Variants in DHX29 observed in about 807,000 individuals in gnomAD.
The protein encoded by DHX29 is ATP-dependent RNA helicase DHX29.
In DHX29, 79 loss-of-function variants were observed where a neutral mutation model predicts 167.9. The observed-to-expected ratio is 0.47, with a 90% CI of 0.39 to 0.57. The LOEUF (loss-of-function observed/expected upper bound fraction) is 0.57. DHX29 is among the 20% of genes least tolerant of loss of function. DHX29 has a pLI of 0.00. For synonymous variants in DHX29, 530 were observed against 546.0 expected, an observed-to-expected ratio of 0.97 and a Z score of 0.41; for missense variants, 1,347 against 1,593.4, an observed-to-expected ratio of 0.85 and a Z score of 2.63.
chr5:55,256,931 T>C lies in DHX29; in HGVS notation c.4058-391A>G, dbSNP rs188096843. Among the ~76,000 whole-genome samples, 61 of 152,342 alleles carry C rather than the reference T, an allele frequency of 4.0e-4. No homozygotes were observed. The East Asian group carries it at 8.3e-3, about 21-fold the overall frequency. On this transcript the variant is annotated intron_variant, in intron 26 of 26. Transcript: ENST00000251636. ...AATATACTGAAGGCTCTACTGACTC[T>C]TCAGTGTTCTTCAGAGTATGGCAGA...
chr5:55,304,203 T>G (rs1302869565), intron 1 of DHX29, among the ~76,000 whole-genome samples: 1 of 151,802 alleles, frequency 6.6e-6, no homozygotes, highest in Non-Finnish European at 1.5e-5. Flanking sequence ...TCTAGAACAC[T>G]CCAGGCTTGC....
intron 20 of DHX29, among the ~76,000 whole-genome samples, chr5:55,269,877 AT>A (rs1746767342): frequency 6.6e-6 from 1 of 152,038 alleles, no homozygotes; most frequent in Non-Finnish European, 1.5e-5. Flanking sequence ...TCCAGTCCAC[AT>A]TTTTAGTTTC....
chr5:55,278,327 G>A (rs1747227374), intron 12 of DHX29, among the ~76,000 whole-genome samples: 2 of 152,192 alleles, frequency 1.3e-5, no homozygotes, highest in African/African-American at 2.4e-5. Flanking sequence ...GGCAGTAGGG[G>A]TTAAGTGTTC....
intron 2 of DHX29, among the ~76,000 whole-genome samples, chr5:55,297,966 T>C (rs1748404940): frequency 6.6e-6 from 1 of 152,216 alleles, no homozygotes; most frequent in Admixed American, 6.5e-5. Flanking sequence ...ATCTTCCCTT[T>C]GTTACTTTTT....
At chr5:55,267,849 C>T (rs760181243) in intron 21 of DHX29, 27 bp from the exon 22 acceptor site, 7 of 1,560,328 alleles carry the variant, frequency 4.5e-6, no homozygotes, top group East Asian at 4.6e-5. Context: ...AATGACAAAA[C>T]AATTTATCAT....
At position 55,283,269 on chromosome 5, in the gene DHX29, G is replaced by A. The variant is rs768380923; in HGVS notation, c.1899C>T (p.Ile633=). The A allele has an allele frequency of 2.5e-6, 4 of 1,613,398 alleles. No individual in the cohort carries two copies. Among genetic ancestry groups the A allele is most frequent in the Non-Finnish European group, 3.4e-6 (4 of 1,179,466 alleles). ...CTCTGTTGGCTAAACTAACTGCTGA[G>A]ATTCTTCGGGGTTGGGTACAGACAA... The part of the protein sequence containing the change: ...CNIVCTQPRR[I]SAVSLANRVC... The change falls in exon 11 of 27, where the codon ATC becomes ATT. Residue 633 remains isoleucine, a synonymous_variant. Coordinates refer to ENST00000251636, the MANE Select transcript of DHX29 (RefSeq NM_019030.4).
intron 13 of DHX29, 110 bp from the exon 14 acceptor site, chr5:55,276,516 G>T: frequency 1.2e-6 from 1 of 866,300 alleles, no homozygotes; most frequent in Non-Finnish European, 1.7e-6. Flanking sequence ...TGTTAATTTA[G>T]AATATTATGA....
chr5:55,281,013 T>A (rs570163539), intron 12 of DHX29, among the ~76,000 whole-genome samples: 58 of 151,782 alleles, frequency 3.8e-4, no homozygotes, highest in Middle Eastern at 3.4e-3. Context: ...TGATGATTTT[T>A]ATACATGTAT....
chr5:55,285,305 T>C lies in DHX29; in HGVS notation c.1344A>G (p.Leu448=), dbSNP rs770927730. ...HLGATLALYR[L]VKGQSVHQLL... is the part of the protein sequence containing the mutation. The stretch of plus-strand genomic sequence containing the variant: ...TAAAAAGTCTTACCTGCCCTTTAAC[T>C]AAACGGTAAAGGGCTAAAGTAGCTC... The change falls in exon 10 of 27, where the codon TTA becomes TTG. Residue 448 remains leucine, a synonymous_variant. Coordinates refer to ENST00000251636, the MANE Select transcript of DHX29 (RefSeq NM_019030.4). 2.5e-6 allele frequency: 4 copies of C among 1,613,946 alleles called. No homozygotes were observed. The highest frequency in any genetic ancestry group is 3.4e-6 in the Non-Finnish European group (4 of 1,179,958).
In DHX29 at chr5:55,263,525, ACCTTTAGGATAT is replaced by A. The variant is rs1428563235; in HGVS notation, c.3526-605_3526-594del. ...TACAAGCAATTAAAAGGTGATGTTT[ACCTTTAGGATAT>A]CCTTTATGTTTTAAGTTTGGGGCTT... On this transcript the variant is annotated intron_variant, in intron 23 of 26. Coordinates refer to ENST00000251636, the MANE Select transcript of DHX29 (RefSeq NM_019030.4). 4.6e-5 allele frequency among the ~76,000 whole-genome samples: 7 copies of A among 152,016 alleles called. No homozygotes were observed. The East Asian group carries it at 1.4e-3, about 30-fold the overall frequency.
intron 23 of DHX29, 94 bp from the exon 24 acceptor site, chr5:55,263,026 T>C (rs1049730876): frequency 6.5e-6 from 6 of 926,318 alleles, no homozygotes; most frequent in South Asian, 1.7e-5. Context: ...CCTATAAAAA[T>C]TGACAGGATG....
Position 55,307,615 on chromosome 5 carries a change from A to C in DHX29, c.-42T>G. The C allele has an allele frequency of 6.2e-7, 1 of 1,607,584 alleles. No homozygotes were observed. Among genetic ancestry groups the C allele is most frequent in the South Asian group, 1.1e-5 (1 of 90,832 alleles). On this transcript the variant is annotated 5_prime_UTR_variant, in exon 1 of 27. Coordinates refer to ENST00000251636, the MANE Select transcript of DHX29 (RefSeq NM_019030.4). ...AAGATCCTTCGCGGCCCAGGCCCCG[A>C]CGGTACCACTGCACAGCCGAGAGCT...
chr5:55,275,427 T>C (rs1247013395), intron 14 of DHX29, among the ~76,000 whole-genome samples: 1 of 152,224 alleles, frequency 6.6e-6, no homozygotes, highest in Non-Finnish European at 1.5e-5. Context: ...ATCATCTCTT[T>C]TGAAATAACT....
At chr5:55,303,279 G>A (rs915671852) in intron 1 of DHX29, among the ~76,000 whole-genome samples, 11 of 152,234 alleles carry the variant, frequency 7.2e-5, no homozygotes, top group African/African-American at 2.7e-4. Flanking sequence ...GATCGACAGT[G>A]TGTACATCTG....
chr5:55,295,211 T>G (rs1335512535), intron 5 of DHX29, 168 bp downstream of exon 5: 1 of 582,012 alleles, frequency 1.7e-6, no homozygotes, highest in Non-Finnish European at 3.0e-6. Flanking sequence ...CATTTTGGAG[T>G]GGTTTGTTAT....
In DHX29 at chr5:55,306,326, T is replaced by C. The variant is rs1376935046; in HGVS notation, c.187+1061A>G. Among the ~76,000 whole-genome samples, 8 of 152,294 alleles carry C rather than the reference T, an allele frequency of 5.3e-5. No homozygotes were observed. The South Asian group carries it at 1.0e-3, about 20-fold the overall frequency. ...TCAAACTTTTTACACATGATGTTCATTACGCCCGCCTGGAATACTAATTTC... is the reference window on the plus strand; with the variant it reads ...TCAAACTTTTTACACATGATGTTCACTACGCCCGCCTGGAATACTAATTTC... On this transcript the variant is annotated intron_variant, in intron 1 of 26. Transcript: ENST00000251636.
chr5:55,293,975 T>C lies in DHX29; in HGVS notation c.780+42A>G, dbSNP rs570731045. 5.0e-6 allele frequency: 8 copies of C among 1,587,612 alleles called. No individual in the cohort carries two copies. The African/African-American group carries it at 5.4e-5, about 11-fold the overall frequency. On this transcript the variant is annotated intron_variant, in intron 6 of 26. Coordinates refer to ENST00000251636, the MANE Select transcript of DHX29 (RefSeq NM_019030.4). ...CTCAGAAAAGGAAATATATCTTGCT[T>C]AAGAGCATCCAGTTAGAAGCCTAAC...
Position 55,269,425 on chromosome 5 carries a change from G to A in DHX29, c.3282C>T (p.Cys1094=). Residue 1094 remains cysteine, a synonymous_variant, in exon 21 of 27, where the codon TGC becomes TGT. Transcript: ENST00000251636. Reference sequence around the variant, plus strand: ...TTGTTTGACTTACCACTGGGTCAAGGCAGCCAAATATGGCACCAAAAATAA... The same window carrying A: ...TTGTTTGACTTACCACTGGGTCAAGACAGCCAAATATGGCACCAAAAATAA... ...KMLIFGAIFG[C]LDPVATLAAV... The A allele has an allele frequency of 6.2e-7, 1 of 1,612,598 alleles. No homozygotes were observed. The highest frequency in any genetic ancestry group is 8.5e-7 in the Non-Finnish European group (1 of 1,179,954).
rs1339197797 is a variant in DHX29, at chr5:55,293,940, C to G, written c.780+77G>C. ...GGTACATTTCCAATTTACAAATGAG[C>G]AAACTAAGGCTCAGAAAAGGAAATA... On this transcript the variant is annotated intron_variant, in intron 6 of 26. Coordinates refer to ENST00000251636, the MANE Select transcript of DHX29 (RefSeq NM_019030.4). The G allele has an allele frequency of 4.1e-6, 6 of 1,480,594 alleles. No individual in the cohort carries two copies. The Admixed American group carries it at 1.4e-4, about 35-fold the overall frequency. The allele number at this position is 1,480,594 out of a possible 1,614,324, so 91.7% of individuals were successfully genotyped here. A position where few individuals can be genotyped will look rare whatever the true frequency, so the allele number is the denominator to read the frequency against.
Sources: allele counts gnomAD v4.1 joint callset (sites outside exome capture counted in the v4.1 genomes callset), GRCh38; gene constraint gnomAD v4.1.1; transcripts MANE v1.5; gene names NCBI Gene and HGNC (gene_info 2026-07-23, HGNC 2026-07-21).